The following SSH1 variants were observed in gnomAD, a reference collection of about 807,000 sequenced individuals.
SSH1 encodes the protein protein phosphatase Slingshot homolog 1.
Under a neutral mutation model 79.7 loss-of-function variants are expected in SSH1, and 43 were observed. That is an observed-to-expected ratio of 0.54 (90% CI 0.42 to 0.70). The LOEUF is 0.70. Among genes scored for constraint, SSH1 ranks in the 30% least tolerant of loss-of-function variants. The pLI is 0.00. For synonymous variants in SSH1, 599 were observed against 538.3 expected (o/e 1.11, Z -1.56); for missense variants, 1,206 against 1,358.8 (o/e 0.89, Z 1.77).
At chr12:108,838,574 C>T (rs2038696756) in intron 2 of SSH1, among the ~76,000 whole-genome samples, 1 of 152,256 alleles carries the variant, frequency 6.6e-6, no homozygotes, top group South Asian at 2.1e-4. Flanking sequence ...ACTCAGCATC[C>T]TGTCTCAGTG....
At position 108,792,462 on chromosome 12, in the gene SSH1, CT is replaced by C. The variant is rs2036549554; in HGVS notation, c.1716del (p.Glu573SerfsTer46). 1.9e-6 allele frequency: 3 copies of C among 1,614,114 alleles called. No homozygotes were observed. The highest frequency in any genetic ancestry group is 2.5e-6 in the Non-Finnish European group (3 of 1,180,046). ...CTCCGACCTTTGGGACTCCCAAACT[CT>C]AGTTTCTTCTTCACATCCTTCTCAC... ...GLCEKDVKKK[L>X]EFGSPKGRSG... On this transcript the variant is annotated frameshift_variant, in exon 14 of 15. Coordinates refer to ENST00000326495, the MANE Select transcript of SSH1 (RefSeq NM_018984.4). LOFTEE classifies it high-confidence loss of function.
At chr12:108,818,373 C>A in intron 3 of SSH1, 60 bp from the exon 4 acceptor site, 2 of 1,496,054 alleles carry the variant, frequency 1.3e-6, no homozygotes, top group Admixed American at 1.7e-5. Context: ...GGAAAAAAAA[C>A]CTCTGAAAGG....
Position 108,799,329 on chromosome 12 carries a change from AC to A in SSH1, c.1149-130del, listed in dbSNP as rs3214420. 845 of 756,904 alleles carry A rather than the reference AC, an allele frequency of 1.1e-3. 19 individuals are homozygous for A. In the East Asian group the frequency reaches 0.023, roughly 20 times the overall value. The allele number at this position is 756,904 out of a possible 1,614,324, so 46.9% of individuals were successfully genotyped here. ...TTTTTTTAAACCCTGTAGATATCTT[AC>A]TGCCGAAATCCTCCTACGTCTTAAT... is the stretch of plus-strand genomic sequence containing the variant. On this transcript the variant is annotated intron_variant, in intron 12 of 14. Coordinates refer to ENST00000326495, the MANE Select transcript of SSH1 (RefSeq NM_018984.4).
intron 5 of SSH1, chr12:108,811,588 C>T: frequency 1.9e-6 from 1 of 517,144 alleles, no homozygotes; most frequent in East Asian, 3.6e-5. Flanking sequence ...AGGGAGGCAG[C>T]TGCCCAGGGC....
chr12:108,788,943 G>A lies in SSH1; in HGVS notation c.2195C>T (p.Ala732Val). Residue 732 changes from alanine to valine, a missense_variant, in exon 15 of 15, where the codon GCT (alanine) becomes GTT (valine). Physicochemically the swap from Ala to Val is moderately conservative, Grantham distance 64. This residue lies in a region of SSH1 where 709 missense variants were observed against 730.6 expected (regional missense o/e 0.97). Coordinates refer to ENST00000326495, the MANE Select transcript of SSH1 (RefSeq NM_018984.4). The part of the protein sequence containing the change: ...RADTSGPGAG[A>V]ALEPPASLLE... ...AAGGCTGGCTGGTGGCTCTAGGGCA[G>A]CTCCAGCCCCAGGGCCACTGGTGTC... 6.2e-7 allele frequency: 1 copy of A among 1,614,048 alleles called. No individual in the cohort carries two copies. Among genetic ancestry groups the A allele is most frequent in the Non-Finnish European group, 8.5e-7 (1 of 1,179,952 alleles).
chr12:108,852,769 A>T (rs2039070457), intron 1 of SSH1, 91 bp from the exon 2 acceptor site: 27 of 1,606,822 alleles, frequency 1.7e-5, no homozygotes, highest in African/African-American at 4.0e-5. Flanking sequence ...CGGTACTGGA[A>T]AAAGATAAAG....
intron 7 of SSH1, among the ~76,000 whole-genome samples, chr12:108,808,540 A>G (rs1339133379): frequency 2.6e-5 from 4 of 152,248 alleles, no homozygotes; most frequent in Non-Finnish European, 5.9e-5. Flanking sequence ...AACCCTGAAC[A>G]TATGTTCATA....
At chr12:108,814,710 G>A (rs533507209) in intron 5 of SSH1, among the ~76,000 whole-genome samples, 23 of 152,348 alleles carry the variant, frequency 1.5e-4, no homozygotes, top group African/African-American at 5.3e-4. Flanking sequence ...CAGGTGGGCC[G>A]TGGCTCCTGC....
rs867447521 is a variant in SSH1 at position 108,813,812 on chromosome 12, G to A, written c.402-2484C>T. On this transcript the variant is annotated intron_variant, in intron 5 of 14. Transcript: ENST00000326495. ...AGGGAAGGTGAAAGGGAAGGGAAGCGAAGGGGAAGGGGATAGGGAAAACAG... is the reference window on the plus strand; with the variant it reads ...AGGGAAGGTGAAAGGGAAGGGAAGCAAAGGGGAAGGGGATAGGGAAAACAG... Among the ~76,000 whole-genome samples the A allele has an allele frequency of 4.0e-5, 6 of 151,262 alleles. No individual in the cohort carries two copies. The South Asian group carries it at 8.4e-4, about 21-fold the overall frequency.
chr12:108,812,875 T>G (rs1360946457), intron 5 of SSH1, among the ~76,000 whole-genome samples: 1 of 151,640 alleles, frequency 6.6e-6, no homozygotes, highest in African/African-American at 2.4e-5. Flanking sequence ...TTTTTTTTTT[T>G]TTTTTGAGCC....
intron 2 of SSH1, among the ~76,000 whole-genome samples, chr12:108,837,611 C>T (rs867497966): frequency 3.3e-5 from 5 of 152,088 alleles, no homozygotes; most frequent in Non-Finnish European, 5.9e-5. Flanking sequence ...TCAAAATTAA[C>T]GAGAATTTTT....
chr12:108,795,797 T>G (rs2036726469), intron 13 of SSH1, among the ~76,000 whole-genome samples: 2 of 152,068 alleles, frequency 1.3e-5, no homozygotes, highest in Non-Finnish European at 2.9e-5. Context: ...GAGGTTGAGG[T>G]GTCATGATCA....
chr12:108,821,518 G>A (rs1234410513), intron 3 of SSH1, among the ~76,000 whole-genome samples: 4 of 151,932 alleles, frequency 2.6e-5, no homozygotes, highest in African/African-American at 7.3e-5. Context: ...ACCTACTACA[G>A]GTAGGTATGT....
At chr12:108,827,524 G>A in intron 2 of SSH1, 1 of 1,282,672 alleles carries the variant, frequency 7.8e-7, no homozygotes, top group Non-Finnish European at 9.9e-7. Context: ...TGGAACTCTT[G>A]TCTTCCTCTG....
rs779768791 is a variant in SSH1, at chr12:108,792,850, G to A, written c.1350-21C>T. 1.9e-6 allele frequency: 3 copies of A among 1,612,616 alleles called. No homozygotes were observed. The South Asian group carries it at 3.3e-5, about 18-fold the overall frequency. On this transcript the variant is annotated intron_variant, in intron 13 of 14. Coordinates refer to ENST00000326495, the MANE Select transcript of SSH1 (RefSeq NM_018984.4). ...GTTTGCTGCGGGGAGAGAGGGTAGA[G>A]GAAGGTGAGGGGAGGAGGATGGTGC...
intron 14 of SSH1, 108 bp downstream of exon 14, chr12:108,792,178 G>C: frequency 6.4e-7 from 1 of 1,572,660 alleles, no homozygotes; most frequent in Non-Finnish European, 8.6e-7. Context: ...AAATCAGCTG[G>C]GTGTGGTGGC....
At chr12:108,840,539 G>GA (rs968665966) in intron 2 of SSH1, among the ~76,000 whole-genome samples, 33 of 139,188 alleles carry the variant, frequency 2.4e-4, no homozygotes, top group South Asian at 2.3e-4. Context: ...TCAAAAAAAA[G>GA]AAAAAAAAAA....
In SSH1 at chr12:108,787,870, G is replaced by A. The variant is rs983932805; in HGVS notation, c.*118C>T. The A allele has an allele frequency of 7.6e-7, 1 of 1,322,398 alleles. No individual in the cohort carries two copies. Among genetic ancestry groups the A allele is most frequent in the Non-Finnish European group, 1.1e-6 (1 of 943,366 alleles). The allele number at this position is 1,322,398 out of a possible 1,614,324, so 81.9% of individuals were successfully genotyped here. Reference sequence around the variant, plus strand: ...TATGGCAAGAGTAGGGGAAAAGTTAGGATGACTTCACTCGTTTAAGGGAAA... The same window carrying A: ...TATGGCAAGAGTAGGGGAAAAGTTAAGATGACTTCACTCGTTTAAGGGAAA... On this transcript the variant is annotated 3_prime_UTR_variant, in exon 15 of 15. Transcript: ENST00000326495.
intron 2 of SSH1, among the ~76,000 whole-genome samples, chr12:108,824,744 C>A (rs1229868999): frequency 1.3e-5 from 2 of 152,148 alleles, no homozygotes; most frequent in East Asian, 1.9e-4. Flanking sequence ...CGTTGTGAGA[C>A]CCCGTCGTAC....
Sources: gnomAD v4.1 joint callset for allele counts (sites outside exome capture counted in the v4.1 genomes callset) on GRCh38, gnomAD v4.1.1 for gene constraint, gnomAD v4.1.1 regional missense constraint, MANE v1.5 for transcripts, NCBI Gene and HGNC (gene_info 2026-07-23, HGNC 2026-07-21) for gene names.